Variants in SLC5A12 observed in about 807,000 individuals in gnomAD.
The protein encoded by SLC5A12 is sodium-coupled monocarboxylate transporter 2.
In SLC5A12, 46 loss-of-function variants were observed where a neutral mutation model predicts 72.7. That is an observed-to-expected ratio of 0.63 (90% CI 0.50 to 0.81). The LOEUF is 0.81. Ranked by LOEUF, SLC5A12 falls within the 30% of genes least tolerant of loss-of-function variation. The pLI is 0.00. For missense variants in SLC5A12, 683 were observed against 740.7 expected (o/e 0.92, Z 0.90); for synonymous variants, 275 against 264.4 (o/e 1.04, Z -0.39).
rs1387041075 is a variant in SLC5A12 at position 26,717,998 on chromosome 11, GCTACA to G, written c.339+3373_339+3377del. 2.6e-5 allele frequency among the ~76,000 whole-genome samples: 4 copies of G among 152,272 alleles called. No individual in the cohort carries two copies. In the East Asian group the frequency reaches 7.7e-4, roughly 29 times the overall value. ...TCCAAGCTCACAGAACATCACTTTG[GCTACA>G]TTCTGCTGGTCAAAGCAAGTCACAA... On this transcript the variant is annotated intron_variant, in intron 1 of 14. Transcript: ENST00000396005.
chr11:26,712,552 C>T, intron 2 of SLC5A12, 89 bp downstream of exon 2: 1 of 886,592 alleles, frequency 1.1e-6, no homozygotes, highest in Non-Finnish European at 1.7e-6. Context: ...ATTAAGTGTC[C>T]TTTAGCTGAG....
intron 13 of SLC5A12, among the ~76,000 whole-genome samples, chr11:26,676,405 C>A (rs1004107072): frequency 6.7e-6 from 1 of 149,682 alleles, no homozygotes; most frequent in Non-Finnish European, 1.5e-5. Flanking sequence ...CCAGATTTAA[C>A]CTTAGTACGG....
chr11:26,695,621 G>A (rs1385575655), intron 8 of SLC5A12, among the ~76,000 whole-genome samples: 1 of 151,968 alleles, frequency 6.6e-6, no homozygotes, highest in Non-Finnish European at 1.5e-5. Flanking sequence ...ATGAACAAAT[G>A]AGAAAAAAAG....
chr11:26,720,324 CATAAATAAATAA>C (rs142328311), intron 1 of SLC5A12, among the ~76,000 whole-genome samples: 1 of 145,086 alleles, frequency 6.9e-6, no homozygotes, highest in Admixed American at 6.9e-5. Flanking sequence ...AGCCCCATCT[CATAAATAAATAA>C]ATAAATAAAT....
chr11:26,684,833 T>G (rs1190890997), intron 10 of SLC5A12, among the ~76,000 whole-genome samples: 1 of 152,190 alleles, frequency 6.6e-6, no homozygotes, highest in Non-Finnish European at 1.5e-5. Flanking sequence ...TGATACTTTC[T>G]TAAGAGTAAA....
intron 2 of SLC5A12, among the ~76,000 whole-genome samples, chr11:26,711,688 C>T (rs1855232666): frequency 6.6e-6 from 1 of 152,002 alleles, no homozygotes; most frequent in Non-Finnish European, 1.5e-5. Context: ...TCCTGATGCA[C>T]GCGTCACAGT....
chr11:26,689,329 C>T (rs1483496863), intron 9 of SLC5A12, among the ~76,000 whole-genome samples: 3 of 151,784 alleles, frequency 2.0e-5, no homozygotes, highest in Admixed American at 6.6e-5. Context: ...ACCCGGGAGG[C>T]GGAGGTGGCA....
At chr11:26,680,304 CATAT>C (rs35822935) in intron 12 of SLC5A12, among the ~76,000 whole-genome samples, 2,496 of 67,720 alleles carry the variant, frequency 0.037, 261 homozygotes, top group African/African-American at 0.1. Context: ...TATATATATT[CATAT>C]ATATATATGT....
intron 1 of SLC5A12, among the ~76,000 whole-genome samples, chr11:26,714,546 T>C (rs930298013): frequency 6.6e-6 from 1 of 152,162 alleles, no homozygotes; most frequent in Non-Finnish European, 1.5e-5. Context: ...ATATATGTCT[T>C]TCAGTATATA....
At chr11:26,674,321 T>A (rs1370940344) in intron 13 of SLC5A12, among the ~76,000 whole-genome samples, 3 of 151,210 alleles carry the variant, frequency 2.0e-5, no homozygotes, top group Non-Finnish European at 2.9e-5. Context: ...AAATTTCTTT[T>A]AAGTGCCAGA....
At chr11:26,678,889 T>C in intron 12 of SLC5A12, 74 bp from the exon 13 acceptor site, 2 of 927,448 alleles carry the variant, frequency 2.2e-6, no homozygotes, top group Non-Finnish European at 3.2e-6. Flanking sequence ...CTGCTCAGGA[T>C]TCATTTTAGG....
intron 9 of SLC5A12, chr11:26,692,069 G>A (rs1375782065): frequency 6.3e-6 from 1 of 159,198 alleles, no homozygotes; most frequent in African/African-American, 2.4e-5. Flanking sequence ...GAAAGAAGGA[G>A]TTGCCTTGGA....
intron 3 of SLC5A12, among the ~76,000 whole-genome samples, chr11:26,710,820 G>A (rs959134908): frequency 5.3e-5 from 8 of 151,848 alleles, no homozygotes; most frequent in African/African-American, 1.2e-4. Flanking sequence ...CTTTCAATAC[G>A]GCAGGTGTCA....
chr11:26,715,331 G>A, intron 1 of SLC5A12, among the ~76,000 whole-genome samples: 1 of 47,094 alleles, frequency 2.1e-5, no homozygotes, highest in East Asian at 7.7e-4. Context: ...GGGCCATAGG[G>A]CAGATCAGAA....
chr11:26,713,573 T>C (rs1028235288), intron 1 of SLC5A12, among the ~76,000 whole-genome samples: 1 of 152,146 alleles, frequency 6.6e-6, no homozygotes, highest in Non-Finnish European at 1.5e-5. Flanking sequence ...ATCAGCCCAA[T>C]TGCTATTCCT....
chr11:26,712,899 C>A (rs896770028), intron 1 of SLC5A12, among the ~76,000 whole-genome samples, 193 bp from the exon 2 acceptor site: 3 of 152,054 alleles, frequency 2.0e-5, no homozygotes, highest in African/African-American at 7.2e-5. Context: ...AAATCAATTT[C>A]TGTTCGTGTT....
chr11:26,673,605 C>A (rs1480138017), intron 13 of SLC5A12, 76 bp from the exon 14 acceptor site: 3 of 1,436,078 alleles, frequency 2.1e-6, no homozygotes, highest in Admixed American at 5.2e-5. Context: ...ACATTGTCAA[C>A]TTGAAAAGTA....
intron 8 of SLC5A12, among the ~76,000 whole-genome samples, chr11:26,696,437 C>T (rs1854815138): frequency 6.6e-6 from 1 of 152,162 alleles, no homozygotes; most frequent in African/African-American, 2.4e-5. Flanking sequence ...AATATATAGC[C>T]ATGCATTGGT....
At chr11:26,676,035 G>A (rs1854258355) in intron 13 of SLC5A12, among the ~76,000 whole-genome samples, 1 of 151,732 alleles carries the variant, frequency 6.6e-6, no homozygotes, top group Non-Finnish European at 1.5e-5. Context: ...ACTGAAATAA[G>A]GTAGATTACA....
Sources: gnomAD v4.1 joint callset for allele counts (sites outside exome capture counted in the v4.1 genomes callset) on GRCh38, gnomAD v4.1.1 for gene constraint, MANE v1.5 for transcripts, NCBI Gene and HGNC (gene_info 2026-07-23, HGNC 2026-07-21) for gene names.